RGS5: variants seen among roughly 807,000 people sequenced by gnomAD.
The protein encoded by RGS5 is regulator of G-protein signalling 5.
In RGS5, 20 loss-of-function variants were observed where a neutral mutation model predicts 18.9. The ratio of observed to expected loss-of-function variants is 1.06; its 90% CI spans 0.74 to 1.54. The LOEUF is 1.54. Ranked by LOEUF, RGS5 falls within the 40% of genes most tolerant of loss-of-function variation. The pLI is 0.00. For missense variants in RGS5, 201 were observed against 211.8 expected, an observed-to-expected ratio of 0.95 and a Z score of 0.32; for synonymous variants, 57 against 76.2, an observed-to-expected ratio of 0.75 and a Z score of 1.31.
rs1299870175 is a variant in RGS5, at chr1:163,145,459, C to A, written c.*1883G>T. On this transcript the variant is annotated 3_prime_UTR_variant, in exon 5 of 5. Transcript: ENST00000313961. ...GTTGAAGCTGGTTCTGGAAGTGCAC[C>A]CTGGAAATTTTTATCTGAGTTCCTT... The A allele has an allele frequency of 1.3e-5, 2 of 151,978 alleles. No individual in the cohort carries two copies. Among genetic ancestry groups the A allele is most frequent in the Non-Finnish European group, 2.9e-5 (2 of 68,002 alleles). 9.4% of individuals were successfully genotyped at this position (151,978 alleles called of 1,614,324 possible).
chr1:163,266,692 AT>A (rs1354292259), intron 2 of RGS5: 1 of 152,042 alleles, frequency 6.6e-6, no homozygotes, highest in East Asian at 1.9e-4. Context: ...GAGTCATTTT[AT>A]TTTTTGTACT....
chr1:163,291,168 A>G (rs183147034), intron 2 of RGS5, among the ~76,000 whole-genome samples: 3 of 151,504 alleles, frequency 2.0e-5, no homozygotes, highest in Non-Finnish European at 4.4e-5. Context: ...AATCATAAAA[A>G]CTCTCTGCTA....
chr1:163,172,558 C>G, intron 1 of RGS5: 1 of 1,549,664 alleles, frequency 6.5e-7, no homozygotes, highest in Non-Finnish European at 8.7e-7. Flanking sequence ...ACTAACATAC[C>G]AGAACATCAG....
chr1:163,286,505 AT>A (rs1463362702), intron 2 of RGS5, among the ~76,000 whole-genome samples: 1 of 151,970 alleles, frequency 6.6e-6, no homozygotes, highest in Admixed American at 6.6e-5. Flanking sequence ...TTTTCTTATT[AT>A]TTATATTTGA....
intron 1 of RGS5, among the ~76,000 whole-genome samples, chr1:163,188,814 G>A (rs922961450): frequency 4.8e-5 from 7 of 145,934 alleles, no homozygotes; most frequent in South Asian, 2.3e-4. Flanking sequence ...AAAAATTAGC[G>A]TGGTGACACG....
At chr1:163,251,411 A>C (rs896403845) in intron 2 of RGS5, among the ~76,000 whole-genome samples, 16 of 152,308 alleles carry the variant, frequency 1.1e-4, no homozygotes, top group African/African-American at 3.8e-4. Flanking sequence ...AAGAAAAGAG[A>C]AAAATCAACC....
intron 2 of RGS5, among the ~76,000 whole-genome samples, chr1:163,251,077 G>A (rs935130603): frequency 1.8e-4 from 28 of 152,066 alleles, no homozygotes; most frequent in African/African-American, 5.8e-4. Context: ...ATTCAACCCC[G>A]AAGGTTATCT....
intron 2 of RGS5, among the ~76,000 whole-genome samples, chr1:163,241,654 T>C (rs766547163): frequency 1.7e-4 from 26 of 150,898 alleles, no homozygotes; most frequent in Non-Finnish European, 3.4e-4. Flanking sequence ...ATCCAATTCA[T>C]TCTTTAAATT....
chr1:163,142,959 A>C lies in RGS5; in HGVS notation c.*4383T>G, dbSNP rs995013990. On this transcript the variant is annotated 3_prime_UTR_variant, in exon 5 of 5. Coordinates refer to ENST00000313961, the MANE Select transcript of RGS5 (RefSeq NM_003617.4). ...TATTATTAAAACGTGAGTTGAGAAT[A>C]ATATTCCAAATGTTTGTTGTTGTCG... The C allele has an allele frequency of 6.6e-6, 1 of 152,224 alleles. No individual in the cohort carries two copies. The highest frequency in any genetic ancestry group is 2.4e-5 in the African/African-American group (1 of 41,456). 9.4% of individuals were successfully genotyped at this position (152,224 alleles called of 1,614,324 possible). A position where few individuals can be genotyped will look rare whatever the true frequency, so the allele number is the denominator to read the frequency against.
chr1:163,305,898 G>A (rs1240323133), intron 2 of RGS5, among the ~76,000 whole-genome samples: 8 of 152,176 alleles, frequency 5.3e-5, no homozygotes, highest in Non-Finnish European at 1.0e-4. Context: ...CTGTGCTCCA[G>A]GGTGCACCTT....
chr1:163,303,033 A>G (rs1482334488), intron 2 of RGS5, among the ~76,000 whole-genome samples: 1 of 152,378 alleles, frequency 6.6e-6, no homozygotes, highest in East Asian at 1.9e-4. Flanking sequence ...CACAGAGCCT[A>G]GCTTCTAACT....
At chr1:163,186,599 A>AAG (rs1557896125) in intron 1 of RGS5, among the ~76,000 whole-genome samples, 32 of 89,890 alleles carry the variant, frequency 3.6e-4, no homozygotes, top group South Asian at 8.8e-4. Context: ...AAAAAAAAAG[A>AAG]AAAAGAAAAG....
In RGS5 at chr1:163,143,065, T is replaced by G. The variant is rs1656986673; in HGVS notation, c.*4277A>C. 6.6e-6 allele frequency: 1 copy of G among 152,234 alleles called. No individual in the cohort carries two copies. The highest frequency in any genetic ancestry group is 1.5e-5 in the Non-Finnish European group (1 of 68,032). 9.4% of individuals were successfully genotyped at this position (152,234 alleles called of 1,614,324 possible). ...GTCTTTTCTCAGTTGGAAGAGTTGATCTTTTTAGTTTTGGGATGTGTAAGT... is the reference window on the plus strand; with the variant it reads ...GTCTTTTCTCAGTTGGAAGAGTTGAGCTTTTTAGTTTTGGGATGTGTAAGT... On this transcript the variant is annotated 3_prime_UTR_variant, in exon 5 of 5. Transcript: ENST00000313961.
rs573291774 is a variant in RGS5 at position 163,210,028 on chromosome 1, C to T, written c.69+7498G>A. On this transcript the variant is annotated intron_variant, in intron 1 of 5. Coordinates refer to the RGS5 transcript ENST00000367903. ...TTTCTGGGACAGGGTCTGGCTCTATCAGCCAGGCTGGAGTGCAGTGGTGCA... is the reference window on the plus strand; with the variant it reads ...TTTCTGGGACAGGGTCTGGCTCTATTAGCCAGGCTGGAGTGCAGTGGTGCA... 3.5e-3 allele frequency among the ~76,000 whole-genome samples: 535 copies of T among 151,858 alleles called. 2 individuals are homozygous for T. Among genetic ancestry groups the T allele is most frequent in the South Asian group, 0.014 (69 of 4,814 alleles).
In RGS5 at chr1:163,251,035, C is replaced by T. The variant is rs910918672; in HGVS notation, c.-281+55198G>A. Among the ~76,000 whole-genome samples, 4 of 152,168 alleles carry T rather than the reference C, an allele frequency of 2.6e-5. No individual in the cohort carries two copies. In the East Asian group the frequency reaches 5.8e-4, roughly 22 times the overall value. The stretch of plus-strand genomic sequence containing the variant: ...GCAAAGAACTGGATAATGTTCCTGA[C>T]CTTATGAAGCTTAGAATCTGGAAGA... On this transcript the variant is annotated intron_variant, in intron 2 of 5. Coordinates refer to the RGS5 transcript ENST00000618415.
At chr1:163,230,153 G>A (rs1351863078) in intron 2 of RGS5, among the ~76,000 whole-genome samples, 1 of 152,154 alleles carries the variant, frequency 6.6e-6, no homozygotes, top group Non-Finnish European at 1.5e-5. Flanking sequence ...ATTGAGAGAG[G>A]AGATGTTTAT....
chr1:163,174,803 C>T (rs1658475175), intron 1 of RGS5, among the ~76,000 whole-genome samples: 1 of 152,070 alleles, frequency 6.6e-6, no homozygotes. Flanking sequence ...GAAAGGCTTT[C>T]GGCAATCACA....
intron 2 of RGS5, among the ~76,000 whole-genome samples, chr1:163,246,716 C>T (rs773623701): frequency 7.9e-5 from 12 of 152,168 alleles, no homozygotes; most frequent in Non-Finnish European, 1.3e-4. Context: ...TGCGAGCAAT[C>T]TATGATGAGT....
intron 2 of RGS5, among the ~76,000 whole-genome samples, chr1:163,276,214 G>A (rs1001593283): frequency 3.3e-5 from 5 of 151,562 alleles, no homozygotes; most frequent in East Asian, 2.0e-4. Flanking sequence ...GGCTGGTCTC[G>A]AACTCCCGAC....
Sources: allele counts gnomAD v4.1 joint callset (sites outside exome capture counted in the v4.1 genomes callset), GRCh38; gene constraint gnomAD v4.1.1; transcripts MANE v1.5; gene names NCBI Gene and HGNC (gene_info 2026-07-23, HGNC 2026-07-21).